KAT6B: variants seen among roughly 807,000 people sequenced by gnomAD.
The protein encoded by KAT6B is histone acetyltransferase KAT6B.
A neutral mutation model predicts 187.5 loss-of-function variants in KAT6B; 10 were observed. That is an observed-to-expected ratio of 0.05 (90% confidence interval 0.03 to 0.09). KAT6B has a LOEUF of 0.09. Ranked by LOEUF, KAT6B falls within the 10% of genes least tolerant of loss-of-function variation. The probability of loss-of-function intolerance (pLI) is 1.00; values close to 1 mark genes in which losing one functional copy is unlikely to be tolerated. For missense variants in KAT6B, 1,952 were observed against 2,558.9 expected, an observed-to-expected ratio of 0.76 and a Z score of 5.12; for synonymous variants, 861 against 926.8, an observed-to-expected ratio of 0.93 and a Z score of 1.29.
intron 3 of KAT6B, among the ~76,000 whole-genome samples, chr10:74,944,808 CAAAAAAAAAA>C (rs58164194): frequency 6.1e-5 from 2 of 32,896 alleles, no homozygotes; most frequent in Admixed American, 7.6e-4. Flanking sequence ...GACTCCGTCT[CAAAAAAAAAA>C]AAAAAAAAAA....
chr10:75,012,511 T>C (rs922878979), intron 13 of KAT6B, among the ~76,000 whole-genome samples: 32 of 152,254 alleles, frequency 2.1e-4, no homozygotes, highest in Admixed American at 2.0e-3. Context: ...ATAAATGCCA[T>C]CTCACACAGA....
chr10:74,882,556 C>A (rs1247430147), intron 3 of KAT6B, among the ~76,000 whole-genome samples: 3 of 152,190 alleles, frequency 2.0e-5, no homozygotes, highest in African/African-American at 7.2e-5. Flanking sequence ...TGGAAATAAA[C>A]CTTTCTTTGT....
rs775407900 is a variant in KAT6B at position 75,029,711 on chromosome 10, C to A, written c.4887C>A (p.Ile1629=). Reference sequence around the variant, plus strand: ...CTCTGGAAAACAGCTACGCCCAAATCAGCCCAGATCAAAGTGCCATCTCAG... The same window carrying A: ...CTCTGGAAAACAGCTACGCCCAAATAAGCCCAGATCAAAGTGCCATCTCAG... ...VPALENSYAQ[I]SPDQSAISVP... The change falls in exon 18 of 18, where the codon ATC becomes ATA. Residue 1629 remains isoleucine (I), a synonymous_variant. Coordinates refer to ENST00000287239, the MANE Select transcript of KAT6B (RefSeq NM_012330.4). This position sits in a 1 kb window ranked among gnomAD's most constrained non-coding sequence, Gnocchi z 6.2. The A allele has an allele frequency of 6.2e-7, 1 of 1,614,076 alleles. No individual in the cohort carries two copies. The highest frequency in any genetic ancestry group is 8.5e-7 in the Non-Finnish European group (1 of 1,180,048).
At chr10:74,923,616 C>T (rs1290618452) in intron 3 of KAT6B, among the ~76,000 whole-genome samples, 1 of 152,074 alleles carries the variant, frequency 6.6e-6, no homozygotes, top group Non-Finnish European at 1.5e-5. Context: ...AAGGAGTGTT[C>T]TAGATGGAGG....
chr10:74,976,413 C>G (rs1195806519), intron 8 of KAT6B, 83 bp downstream of exon 8: 2 of 1,084,464 alleles, frequency 1.8e-6, no homozygotes, highest in East Asian at 2.4e-5. Context: ...CAATCAATTC[C>G]TATTTGTCAC....
intron 3 of KAT6B, among the ~76,000 whole-genome samples, chr10:74,959,630 A>C (rs910692762): frequency 3.3e-5 from 5 of 152,100 alleles, no homozygotes; most frequent in Non-Finnish European, 7.4e-5. Flanking sequence ...TCTCTACTAA[A>C]ATACAAAAAA....
chr10:74,970,076 C>T lies in KAT6B; in HGVS notation c.903C>T (p.Asp301=), dbSNP rs1841747276. Residue 301 remains aspartate (D), a synonymous_variant, in exon 6 of 18, where the codon GAC becomes GAT. Transcript: ENST00000287239. ...CDRGFHMECC[D]PPLSRMPKGM... ...GAGGATTTCATATGGAATGCTGTGA[C>T]CCACCACTTTCCAGAATGCCAAAAG... 4 of 1,611,752 alleles carry T rather than the reference C, an allele frequency of 2.5e-6. No individual in the cohort carries two copies. In the South Asian group the frequency reaches 4.4e-5, roughly 18 times the overall value.
intron 3 of KAT6B, among the ~76,000 whole-genome samples, chr10:74,879,108 C>A (rs1844657635): frequency 6.6e-6 from 1 of 152,216 alleles, no homozygotes; most frequent in East Asian, 1.9e-4. Flanking sequence ...AGTAGCTTCC[C>A]AGTCTCTTTG....
intron 3 of KAT6B, among the ~76,000 whole-genome samples, chr10:74,858,267 G>T (rs897735268): frequency 6.6e-6 from 1 of 151,038 alleles, no homozygotes; most frequent in Admixed American, 6.6e-5. Context: ...TTTAACAATA[G>T]AAGTTTGGAT....
In KAT6B at chr10:75,021,423, C is replaced by G. The variant is rs1845399969; in HGVS notation, c.3021+138C>G. ...TGAAATGATATGGCACTAATTTATCCTAACTGAGGTTGCATGGTAAGACAT... is the reference window on the plus strand; with the variant it reads ...TGAAATGATATGGCACTAATTTATCGTAACTGAGGTTGCATGGTAAGACAT... On this transcript the variant is annotated intron_variant, in intron 15 of 17. Coordinates refer to ENST00000287239, the MANE Select transcript of KAT6B (RefSeq NM_012330.4). 4 of 773,056 alleles carry G rather than the reference C, an allele frequency of 5.2e-6. No individual in the cohort carries two copies. The East Asian group carries it at 1.1e-4, about 21-fold the overall frequency. 47.9% of individuals were successfully genotyped at this position (773,056 alleles called of 1,614,324 possible).
chr10:74,880,515 A>G (rs951787678), intron 3 of KAT6B, among the ~76,000 whole-genome samples: 3 of 152,240 alleles, frequency 2.0e-5, no homozygotes, highest in Non-Finnish European at 2.9e-5. Flanking sequence ...TATTATGAGT[A>G]GTAGTACTAT....
chr10:74,985,973 G>A (rs1842781287), intron 12 of KAT6B, among the ~76,000 whole-genome samples: 1 of 152,156 alleles, frequency 6.6e-6, no homozygotes, highest in African/African-American at 2.4e-5. Context: ...TTGAACCTGG[G>A]AGGTGGAGGT....
chr10:74,983,047 A>G (rs1318459613), intron 11 of KAT6B: 1 of 152,174 alleles, frequency 6.6e-6, no homozygotes, highest in Non-Finnish European at 1.5e-5. Flanking sequence ...GGGAAACTCC[A>G]GTTGTGTCTT....
chr10:75,006,072 T>A (rs1844185562), intron 13 of KAT6B, among the ~76,000 whole-genome samples: 1 of 152,110 alleles, frequency 6.6e-6, no homozygotes, highest in African/African-American at 2.4e-5. Flanking sequence ...GCAAATACAG[T>A]CATCATTTTA....
At chr10:74,977,243 C>G (rs1176029892) in intron 8 of KAT6B, 73 bp from the exon 9 acceptor site, 1 of 1,558,776 alleles carries the variant, frequency 6.4e-7, no homozygotes, top group African/African-American at 1.4e-5. Context: ...AATTTGGTGC[C>G]ATTTTGGTAA....
intron 13 of KAT6B, among the ~76,000 whole-genome samples, chr10:74,999,765 T>C: frequency 6.6e-6 from 1 of 152,178 alleles, no homozygotes; most frequent in East Asian, 1.9e-4. Context: ...CTAAGAGACT[T>C]GTCTAAGATC....
At position 75,030,099 on chromosome 10, in the gene KAT6B, C is replaced by A. The variant is rs1460846960; in HGVS notation, c.5275C>A (p.Pro1759Thr). 1.2e-6 allele frequency: 2 copies of A among 1,614,126 alleles called. No homozygotes were observed. The highest frequency in any genetic ancestry group is 1.7e-6 in the Non-Finnish European group (2 of 1,180,042). ...TCCTCAAGGCTGTGTGGTGGAGAGG[C>A]CTCCGAGCAGCAGCCAGCAGCTGGC... ...KSPQGCVVER[P>T]PSSSQQLAQC... The change falls in exon 18 of 18, where the codon CCT becomes ACT. Residue 1759 changes from proline (P) to threonine (T), a missense_variant. By Grantham distance (38) the Pro-to-Thr change is conservative. Around this residue, in one of 9 missense-constraint regions of KAT6B, gnomAD observed 358 missense variants for 436.3 expected, o/e 0.82. Transcript: ENST00000287239. The surrounding 1 kb of genome is among the most constrained non-coding windows in gnomAD (Gnocchi z 4.8).
Position 74,989,078 on chromosome 10 carries a change from A to C in KAT6B, c.2595A>C (p.Gln865His), listed in dbSNP as rs1253236804. The part of the protein sequence containing the change: ...VSCIMIMPQH[Q>H]RQGFGRFLID... ...GCATAATGATCATGCCCCAGCACCA[A>C]AGGCAAGGATTTGGACGGTTTCTCA... is the stretch of plus-strand genomic sequence containing the variant. Residue 865 changes from glutamine (Q) to histidine (H), a missense_variant, in exon 13 of 18, where the codon CAA becomes CAC. Around this residue, in one of 9 missense-constraint regions of KAT6B, gnomAD observed 87 missense variants for 191.8 expected, o/e 0.45. Coordinates refer to ENST00000287239, the MANE Select transcript of KAT6B (RefSeq NM_012330.4). The C allele has an allele frequency of 5.0e-6, 8 of 1,613,930 alleles. No individual in the cohort carries two copies. Among genetic ancestry groups the C allele is most frequent in the African/African-American group, 1.3e-5 (1 of 74,934 alleles).
intron 9 of KAT6B, 121 bp from the exon 10 acceptor site, chr10:74,979,103 T>C (rs975938667): frequency 1.4e-6 from 1 of 715,674 alleles, no homozygotes; most frequent in South Asian, 1.6e-5. Context: ...TTTAAGGCCA[T>C]GCAAATTCAC....
Sources: allele counts gnomAD v4.1 joint callset (sites outside exome capture counted in the v4.1 genomes callset), GRCh38; gene constraint gnomAD v4.1.1; regional missense constraint gnomAD v4.1.1; non-coding constraint Gnocchi (gnomAD v3.1); transcripts MANE v1.5; gene names NCBI Gene and HGNC (gene_info 2026-07-23, HGNC 2026-07-21).